The following DNMBP variants were observed in gnomAD, a reference collection of about 807,000 sequenced individuals.
DNMBP encodes dynamin-binding protein.
DNMBP carries 87 observed loss-of-function variants against 150.0 expected under a neutral mutation model. The observed-to-expected ratio is 0.58, with a 90% CI of 0.49 to 0.69. The LOEUF (loss-of-function observed/expected upper bound fraction) is 0.69. Among genes scored for constraint, DNMBP ranks in the 30% least tolerant of loss-of-function variants. The pLI, the probability that DNMBP is intolerant of heterozygous loss-of-function variation, is 0.00. For synonymous variants in DNMBP, 711 were observed against 750.4 expected (o/e 0.95, Z 0.86); for missense variants, 1,774 against 1,949.0 (o/e 0.91, Z 1.69).
chr10:99,978,879 GT>G (rs1001608224), intron 1 of DNMBP, among the ~76,000 whole-genome samples: 28 of 151,484 alleles, frequency 1.8e-4, no homozygotes, highest in African/African-American at 6.5e-4. Flanking sequence ...CTGGCCAGCA[GT>G]TTTTTTTTAT....
intron 4 of DNMBP, chr10:99,914,203 C>G: frequency 9.8e-7 from 1 of 1,022,608 alleles, no homozygotes; most frequent in East Asian, 3.3e-5. Flanking sequence ...CCAGCGGGCC[C>G]AGCAGTACCT....
Position 99,898,149 on chromosome 10 carries a change from C to T in DNMBP, c.2857G>A (p.Ala953Thr). The part of the protein sequence containing the change: ...SHPDKVPLTN[A>T]VLAVKEINVN... ...TTGATTTCCTTGACCGCAAGGACTG[C>T]ATTGGTTAAAGGCACTTTATCTGGG... The change falls in exon 9 of 17, where the codon GCA becomes ACA. Residue 953 changes from alanine to threonine, a missense_variant. Ala to Thr is a moderately conservative substitution (Grantham distance 58). Transcript: ENST00000324109. 1 of 1,614,102 alleles carries T rather than the reference C, an allele frequency of 6.2e-7. No individual in the cohort carries two copies. Among genetic ancestry groups the T allele is most frequent in the Non-Finnish European group, 8.5e-7 (1 of 1,180,036 alleles).
At chr10:99,929,486 G>A (rs2040121007) in intron 4 of DNMBP, 3 of 593,374 alleles carry the variant, frequency 5.1e-6, no homozygotes, top group Admixed American at 6.3e-5. Flanking sequence ...CACTCAAGGT[G>A]CACTTGATAA....
rs189282757 is a variant in DNMBP, at chr10:99,902,353, A to G, written c.2555-2287T>C. Among the ~76,000 whole-genome samples, 508 of 111,176 alleles carry G rather than the reference A, an allele frequency of 4.6e-3. 4 individuals carry two copies. Among genetic ancestry groups the G allele is most frequent in the African/African-American group, 0.017 (489 of 28,884 alleles). The allele number at this position is 111,176 out of a possible 152,430, so 72.9% of individuals were successfully genotyped here. The stretch of plus-strand genomic sequence containing the variant: ...GAGATGGAGTCTCGCTGTGTCACCC[A>G]GGCTGGAGTGCAGTGGCATGATCTC... On this transcript the variant is annotated intron_variant, in intron 6 of 16. Transcript: ENST00000324109.
chr10:100,005,115 G>A (rs2041054168), intron 1 of DNMBP, among the ~76,000 whole-genome samples: 1 of 152,154 alleles, frequency 6.6e-6, no homozygotes, highest in Non-Finnish European at 1.5e-5. Flanking sequence ...GAGTGCTGGT[G>A]GGACATGAGG....
At chr10:99,953,547 C>T (rs759835767) in intron 4 of DNMBP, among the ~76,000 whole-genome samples, 16 of 152,088 alleles carry the variant, frequency 1.1e-4, no homozygotes, top group Non-Finnish European at 2.2e-4. Context: ...AAAATCTACT[C>T]CCTTGGCCAG....
At chr10:99,879,730 C>T (rs2039333197) in intron 16 of DNMBP, 81 bp downstream of exon 16, 6 of 1,569,312 alleles carry the variant, frequency 3.8e-6, no homozygotes, top group Non-Finnish European at 5.2e-6. Context: ...TCAGGCAAGC[C>T]ACTTCTGCCT....
intron 4 of DNMBP, among the ~76,000 whole-genome samples, chr10:99,932,136 T>C (rs887766781): frequency 6.6e-6 from 1 of 152,218 alleles, no homozygotes; most frequent in Non-Finnish European, 1.5e-5. Context: ...ATAAGATTAC[T>C]CTTTTAGCTG....
intron 4 of DNMBP, among the ~76,000 whole-genome samples, chr10:99,937,364 GT>G (rs1377622020): frequency 6.6e-6 from 1 of 152,078 alleles, no homozygotes; most frequent in East Asian, 1.9e-4. Context: ...GATGGTAGAG[GT>G]TTTCCATTTT....
At chr10:99,957,807 G>T (rs2040518000) in intron 3 of DNMBP, 1 of 152,890 alleles carries the variant, frequency 6.5e-6, no homozygotes, top group Non-Finnish European at 1.5e-5. Context: ...CTACGCTCCA[G>T]TCTGGGTGAC....
At chr10:99,974,721 T>C (rs2040710383) in intron 1 of DNMBP, among the ~76,000 whole-genome samples, 1 of 151,946 alleles carries the variant, frequency 6.6e-6, no homozygotes, top group African/African-American at 2.4e-5. Flanking sequence ...CATCATCACA[T>C]CAAAAAGCAT....
intron 9 of DNMBP, among the ~76,000 whole-genome samples, 194 bp from the exon 10 acceptor site, chr10:99,896,591 A>G (rs1428481377): frequency 6.6e-6 from 1 of 152,188 alleles, no homozygotes; most frequent in Non-Finnish European, 1.5e-5. Flanking sequence ...CAGCCAGGAG[A>G]GGGGCCAGAG....
rs373600848 is a variant in DNMBP at position 99,884,201 on chromosome 10, G to T, written c.3807C>A (p.Tyr1269Ter). 1.4e-5 allele frequency: 22 copies of T among 1,612,520 alleles called. No homozygotes were observed. The highest frequency in any genetic ancestry group is 1.8e-5 in the Non-Finnish European group (21 of 1,179,448). The change falls in exon 15 of 17, where the codon TAC becomes TAA. Residue 1269 changes from tyrosine to a stop codon, truncating the protein, a stop_gained. Coordinates refer to ENST00000324109, the MANE Select transcript of DNMBP (RefSeq NM_015221.4). LOFTEE classifies it high-confidence loss of function. ...CCCGGAGTTCTTCTGACTGTAGCAT[G>T]TAACTTGGCTGAAAGGTAAGACGTT... ...ARKPLLGLPSYMLQSEELRAS... is the reference protein window; with the variant it reads ...ARKPLLGLPS
chr10:99,903,101 A>ATTTT (rs35462310), intron 6 of DNMBP, among the ~76,000 whole-genome samples: 1 of 134,416 alleles, frequency 7.4e-6, no homozygotes, highest in Non-Finnish European at 1.6e-5. Context: ...CACCTGGGCA[A>ATTTT]TTTTTTTTTT....
rs1428046055 is a variant in DNMBP, at chr10:99,886,328, G to A, written c.3590C>T (p.Ala1197Val). ...AAGCAGTGGCTTTAATTGCTCCAGA[G>A]CCTGGTGCACAAAGTCACAGTGGGC... Reference protein sequence around the residue: ...AEAHCDFVHQALEQLKPLLSL... With the variant: ...AEAHCDFVHQVLEQLKPLLSL... Residue 1197 changes from alanine to valine, a missense_variant, in exon 13 of 17, where the codon GCT becomes GTT. This residue lies in a region of DNMBP where 1,430 missense variants were observed against 1,492.5 expected (regional missense o/e 0.96). Coordinates refer to ENST00000324109, the MANE Select transcript of DNMBP (RefSeq NM_015221.4). 54 of 1,613,734 alleles carry A rather than the reference G, an allele frequency of 3.3e-5. No homozygotes were observed. Among genetic ancestry groups the A allele is most frequent in the East Asian group, 2.2e-4 (10 of 44,868 alleles).
In DNMBP at chr10:99,955,794, C is replaced by T. The variant is rs2040483849; in HGVS notation, c.1680G>A (p.Glu560=). 6.8e-6 allele frequency: 11 copies of T among 1,614,252 alleles called. No individual in the cohort carries two copies. The highest frequency in any genetic ancestry group is 9.3e-6 in the Non-Finnish European group (11 of 1,180,042). Residue 560 remains glutamate (E), a synonymous_variant, in exon 4 of 17, where the codon GAG becomes GAA. Transcript: ENST00000324109. ...SKLTQQLIEF[E]KSLAGPGTEP... is the part of the protein sequence containing the mutation. ...CTGTGCCGGGCCCTGCCAAGCTCTT[C>T]TCAAACTCGATCAGCTGTTGTGTCA...
intron 1 of DNMBP, among the ~76,000 whole-genome samples, chr10:100,005,529 G>A (rs749713292): frequency 1.3e-5 from 2 of 152,012 alleles, no homozygotes; most frequent in Non-Finnish European, 2.9e-5. Context: ...CAAGGCAGGC[G>A]GATCACCTGA....
intron 6 of DNMBP, among the ~76,000 whole-genome samples, chr10:99,907,477 A>G (rs2039841387): frequency 6.7e-6 from 1 of 148,532 alleles, no homozygotes; most frequent in Non-Finnish European, 1.5e-5. Context: ...ATTTCAGCTC[A>G]CTGCAGCCTC....
rs2039335951 is a variant in DNMBP at position 99,879,866 on chromosome 10, T to G, written c.4493A>C (p.Gln1498Pro). Residue 1498 changes from glutamine to proline, a missense_variant, in exon 16 of 17, where the codon CAG becomes CCG. By Grantham distance (76) the Gln-to-Pro change is moderately conservative. Transcript: ENST00000324109. ...CTCTGTACTTCTGTCTTCCGGAGCC[T>G]GGGCTGTTCTTGCACATCCTTTGAC... ...DLVKGCARTA[Q>P]APEDRSTEPD... 6.2e-7 allele frequency: 1 copy of G among 1,614,144 alleles called. No individual in the cohort carries two copies. The highest frequency in any genetic ancestry group is 1.3e-5 in the African/African-American group (1 of 74,942).
Sources: gnomAD v4.1 joint callset for allele counts (sites outside exome capture counted in the v4.1 genomes callset) on GRCh38, gnomAD v4.1.1 for gene constraint, gnomAD v4.1.1 regional missense constraint, MANE v1.5 for transcripts, NCBI Gene and HGNC (gene_info 2026-07-23, HGNC 2026-07-21) for gene names.